The following CTNNA3 variants were observed in gnomAD, a reference collection of about 807,000 sequenced individuals.
CTNNA3 encodes catenin alpha 3.
A neutral mutation model predicts 95.7 loss-of-function variants in CTNNA3; 76 were observed. The observed-to-expected ratio is 0.79, with a 90% CI of 0.66 to 0.96. CTNNA3 has a LOEUF of 0.96. Among genes scored for constraint, CTNNA3 ranks in the 40% least tolerant of loss-of-function variants. The probability of loss-of-function intolerance (pLI) is 0.00; values close to 1 mark genes in which losing one functional copy is unlikely to be tolerated. For missense variants in CTNNA3, 1,191 were observed against 1,089.8 expected (o/e 1.09, Z -1.31); for synonymous variants, 431 against 374.4 (o/e 1.15, Z -1.74).
intron 12 of CTNNA3, among the ~76,000 whole-genome samples, chr10:66,358,425 G>A (rs558531303): frequency 6.6e-6 from 1 of 152,270 alleles, no homozygotes; most frequent in East Asian, 1.9e-4. Flanking sequence ...TCTCCAGTCT[G>A]CCATTACTTT....
intron 17 of CTNNA3, among the ~76,000 whole-genome samples, chr10:65,925,075 C>T (rs2077146216): frequency 6.6e-6 from 1 of 152,098 alleles, no homozygotes; most frequent in Non-Finnish European, 1.5e-5. Flanking sequence ...ACCACAACAC[C>T]CTCACTGAAC....
intron 3 of CTNNA3, among the ~76,000 whole-genome samples, chr10:67,566,041 G>GTTTATATATATATATATATA: frequency 3.4e-5 from 1 of 29,436 alleles, no homozygotes; most frequent in African/African-American, 1.4e-4. Flanking sequence ...ATATGTGTGT[G>GTTTATATATATATATATATA]TGTATATATA....
At chr10:66,064,319 T>A (rs2080270937) in intron 15 of CTNNA3, among the ~76,000 whole-genome samples, 1 of 152,136 alleles carries the variant, frequency 6.6e-6, no homozygotes, top group African/African-American at 2.4e-5. Context: ...GGATGATAAT[T>A]CAAGATAAGA....
At chr10:66,533,784 T>C (rs1395622043) in intron 10 of CTNNA3, among the ~76,000 whole-genome samples, 2 of 152,086 alleles carry the variant, frequency 1.3e-5, no homozygotes, top group Non-Finnish European at 2.9e-5. Flanking sequence ...AAAATATGTC[T>C]ATATGGTCAG....
At chr10:66,240,014 ATAGAT>A (rs548839215) in intron 13 of CTNNA3, among the ~76,000 whole-genome samples, 3 of 152,008 alleles carry the variant, frequency 2.0e-5, no homozygotes, top group Admixed American at 6.6e-5. Context: ...CTAGAGCTAT[ATAGAT>A]TAATCTATAT....
At chr10:67,162,285 G>A (rs1861585283) in intron 7 of CTNNA3, among the ~76,000 whole-genome samples, 2 of 151,906 alleles carry the variant, frequency 1.3e-5, no homozygotes, top group Non-Finnish European at 2.9e-5. Context: ...GACCACGAGT[G>A]GGACAAGGAA....
chr10:66,806,689 G>C (rs1210534788), intron 7 of CTNNA3, among the ~76,000 whole-genome samples: 2 of 150,880 alleles, frequency 1.3e-5, no homozygotes, highest in Non-Finnish European at 3.0e-5. Context: ...TATAAATATA[G>C]ATGGAAATAT....
At chr10:66,621,828 A>G in intron 9 of CTNNA3, 44 bp from the exon 10 acceptor site, 1 of 1,230,104 alleles carries the variant, frequency 8.1e-7, no homozygotes. Context: ...TAGATTAGCA[A>G]GGAAATGCAG....
chr10:66,939,066 C>T (rs559730047), intron 7 of CTNNA3, among the ~76,000 whole-genome samples: 2 of 152,286 alleles, frequency 1.3e-5, no homozygotes, highest in Admixed American at 6.5e-5. Context: ...GAACACCCTA[C>T]GCTATGACAG....
intron 15 of CTNNA3, among the ~76,000 whole-genome samples, chr10:66,063,376 A>G (rs1283332718): frequency 2.0e-5 from 3 of 150,298 alleles, no homozygotes; most frequent in African/African-American, 7.3e-5. Flanking sequence ...CTGCTTCTCT[A>G]TCAAAGTTGT....
chr10:66,611,782 G>C (rs1458429292), intron 10 of CTNNA3, among the ~76,000 whole-genome samples: 1 of 152,064 alleles, frequency 6.6e-6, no homozygotes, highest in Non-Finnish European at 1.5e-5. Flanking sequence ...CTCTTACTTT[G>C]CTCATTGTTC....
chr10:66,233,671 C>T (rs76012973), intron 13 of CTNNA3, among the ~76,000 whole-genome samples: 2 of 94,794 alleles, frequency 2.1e-5, no homozygotes, highest in Non-Finnish European at 4.6e-5. Flanking sequence ...GAGTGTTGGC[C>T]AAAATGTGGA....
Position 66,908,876 on chromosome 10 carries a change from A to G in CTNNA3, c.1048-133352T>C, listed in dbSNP as rs117784159. ...GCCAGATTAGATTGTAAACGCCACAAGTGTGGAAATGTATCTTTTCTCTTA... is the reference window on the plus strand; with the variant it reads ...GCCAGATTAGATTGTAAACGCCACAGGTGTGGAAATGTATCTTTTCTCTTA... On this transcript the variant is annotated intron_variant, in intron 7 of 17. Transcript: ENST00000433211. Among the ~76,000 whole-genome samples the G allele has an allele frequency of 8.1e-3, 1,231 of 152,270 alleles. 8 individuals carry two copies. The highest frequency in any genetic ancestry group is 0.017 in the Middle Eastern group (5 of 294).
At chr10:66,938,516 A>G (rs1407143153) in intron 7 of CTNNA3, among the ~76,000 whole-genome samples, 4 of 152,162 alleles carry the variant, frequency 2.6e-5, no homozygotes, top group Admixed American at 2.6e-4. Flanking sequence ...GGATAATCCT[A>G]AAGGTCTTCA....
At chr10:65,978,430 A>ATT (rs58380415) in intron 16 of CTNNA3, among the ~76,000 whole-genome samples, 12 of 142,880 alleles carry the variant, frequency 8.4e-5, no homozygotes, top group African/African-American at 2.8e-4. Context: ...TATTGTAAGC[A>ATT]TTTTTTTTTT....
At chr10:66,651,083 G>A (rs1377377516) in intron 9 of CTNNA3, among the ~76,000 whole-genome samples, 2 of 152,018 alleles carry the variant, frequency 1.3e-5, no homozygotes, top group African/African-American at 4.8e-5. Context: ...CAAAAGTTCT[G>A]GAAGTCCCCA....
At chr10:67,524,663 G>A (rs1199337526) in intron 4 of CTNNA3, among the ~76,000 whole-genome samples, 1 of 151,694 alleles carries the variant, frequency 6.6e-6, no homozygotes, top group South Asian at 2.1e-4. Context: ...CATTTAAGCA[G>A]TTTTTTTTGC....
intron 14 of CTNNA3, chr10:66,098,690 TCTGG>T (rs2081497189): frequency 6.6e-6 from 1 of 152,192 alleles, no homozygotes; most frequent in South Asian, 2.1e-4. Flanking sequence ...CCTATTTTAT[TCTGG>T]CTGAAAGCAT....
At chr10:67,536,810 T>G (rs1006224070) in intron 4 of CTNNA3, among the ~76,000 whole-genome samples, 10 of 152,032 alleles carry the variant, frequency 6.6e-5, no homozygotes, top group African/African-American at 2.4e-4. Context: ...AGAAACAACT[T>G]TTTTCCTCTT....
Sources: gnomAD v4.1 joint callset for allele counts (sites outside exome capture counted in the v4.1 genomes callset) on GRCh38, gnomAD v4.1.1 for gene constraint, MANE v1.5 for transcripts, NCBI Gene and HGNC (gene_info 2026-07-23, HGNC 2026-07-21) for gene names.